Variants in KCTD8 observed in about 807,000 individuals in gnomAD.
The protein encoded by KCTD8 is BTB/POZ domain-containing protein KCTD8.
In KCTD8, 27 loss-of-function variants were observed where a neutral mutation model predicts 31.5. The ratio of observed to expected loss-of-function variants is 0.86; its 90% confidence interval spans 0.63 to 1.18. The LOEUF is 1.18. Among genes scored for constraint, KCTD8 ranks in the 50% most tolerant of loss-of-function variants. KCTD8 has a pLI of 0.00. For synonymous variants in KCTD8, 290 were observed against 280.0 expected (o/e 1.04, Z -0.36); for missense variants, 658 against 647.7 (o/e 1.02, Z -0.17).
chr4:44,408,304 AAT>A (rs527952749), intron 1 of KCTD8, among the ~76,000 whole-genome samples: 153 of 152,320 alleles, frequency 1.0e-3, no homozygotes, highest in African/African-American at 3.5e-3. Context: ...ATAATCATGA[AAT>A]AGTTGTTAAA....
chr4:44,246,644 A>G (rs1235467866), intron 1 of KCTD8, among the ~76,000 whole-genome samples: 3 of 152,052 alleles, frequency 2.0e-5, no homozygotes, highest in Non-Finnish European at 4.4e-5. Flanking sequence ...TTCCTTAAAG[A>G]GCCATCAATC....
chr4:44,350,360 C>T (rs1048663669), intron 1 of KCTD8, among the ~76,000 whole-genome samples: 1 of 152,098 alleles, frequency 6.6e-6, no homozygotes, highest in African/African-American at 2.4e-5. Flanking sequence ...AGAACTAAAA[C>T]TAAAAACAAA....
intron 1 of KCTD8, among the ~76,000 whole-genome samples, chr4:44,184,056 G>T (rs1273771491): frequency 2.0e-5 from 3 of 151,888 alleles, no homozygotes; most frequent in Non-Finnish European, 4.4e-5. Flanking sequence ...AGCTACAAGG[G>T]TGGGGACACA....
At chr4:44,206,222 C>T (rs530065749) in intron 1 of KCTD8, among the ~76,000 whole-genome samples, 94 of 152,050 alleles carry the variant, frequency 6.2e-4, no homozygotes, top group Admixed American at 1.4e-3. Flanking sequence ...GAATGAACTC[C>T]ATCAGTTTGG....
chr4:44,289,748 G>T (rs971182168), intron 1 of KCTD8, among the ~76,000 whole-genome samples: 3 of 152,142 alleles, frequency 2.0e-5, no homozygotes, highest in African/African-American at 4.8e-5. Flanking sequence ...GCTCCAGCCT[G>T]CATGGAGCCT....
intron 1 of KCTD8, among the ~76,000 whole-genome samples, chr4:44,276,868 G>C (rs1560413446): frequency 6.6e-6 from 1 of 151,798 alleles, no homozygotes; most frequent in Non-Finnish European, 1.5e-5. Context: ...AATTTTTTCA[G>C]ACAAAGAATG....
intron 1 of KCTD8, among the ~76,000 whole-genome samples, chr4:44,410,301 TTAAC>T (rs1206436826): frequency 6.6e-6 from 1 of 152,108 alleles, no homozygotes; most frequent in Non-Finnish European, 1.5e-5. Context: ...GTGACAAATA[TTAAC>T]TAACAGTGTA....
chr4:44,239,831 GA>G (rs1715398246), intron 1 of KCTD8, among the ~76,000 whole-genome samples: 1 of 152,128 alleles, frequency 6.6e-6, no homozygotes, highest in African/African-American at 2.4e-5. Context: ...CAGTTCTTTT[GA>G]TTAGCTTGTA....
chr4:44,394,931 T>C (rs1185079707), intron 1 of KCTD8, among the ~76,000 whole-genome samples: 1 of 152,158 alleles, frequency 6.6e-6, no homozygotes, highest in African/African-American at 2.4e-5. Context: ...TCTGTGATTA[T>C]CAAGGCTTTT....
At chr4:44,234,965 T>A (rs1577845021) in intron 1 of KCTD8, among the ~76,000 whole-genome samples, 1 of 152,070 alleles carries the variant, frequency 6.6e-6, no homozygotes, top group Non-Finnish European at 1.5e-5. Context: ...AACCACAGCA[T>A]AAAGAATGAA....
Position 44,375,622 on chromosome 4 carries a change from C to T in KCTD8, c.961+71941G>A, listed in dbSNP as rs186775100. ...AGCTCACCTGGATTACAGTTGTCTA[C>T]CGAAAACCTTTTATTGCCAAATCCA... On this transcript the variant is annotated intron_variant, in intron 1 of 1. Coordinates refer to ENST00000360029, the MANE Select transcript of KCTD8 (RefSeq NM_198353.3). 3.9e-4 allele frequency among the ~76,000 whole-genome samples: 59 copies of T among 152,148 alleles called. No individual in the cohort carries two copies. The East Asian group carries it at 8.6e-3, about 22-fold the overall frequency.
At chr4:44,273,626 T>G (rs1467368641) in intron 1 of KCTD8, among the ~76,000 whole-genome samples, 1 of 151,976 alleles carries the variant, frequency 6.6e-6, no homozygotes, top group Non-Finnish European at 1.5e-5. Flanking sequence ...CAGAATACTT[T>G]ATAAATGGTC....
rs187323673 is a variant in KCTD8 at position 44,217,544 on chromosome 4, C to T, written c.962-42294G>A. On this transcript the variant is annotated intron_variant, in intron 1 of 1. Coordinates refer to ENST00000360029, the MANE Select transcript of KCTD8 (RefSeq NM_198353.3). ...TAGATAGCTGGTGAAGTATTGTTTC[C>T]GGGTGTGTCTGTGAGGGTGCTGCCA... Among the ~76,000 whole-genome samples the T allele has an allele frequency of 6.6e-5, 10 of 152,172 alleles. No individual in the cohort carries two copies. In the East Asian group the frequency reaches 1.2e-3, roughly 18 times the overall value.
chr4:44,380,968 A>T (rs1159719792), intron 1 of KCTD8, among the ~76,000 whole-genome samples: 2 of 152,034 alleles, frequency 1.3e-5, no homozygotes, highest in African/African-American at 4.8e-5. Context: ...TCTACCATTT[A>T]TTATAATTAA....
At chr4:44,195,270 G>T (rs1243417996) in intron 1 of KCTD8, among the ~76,000 whole-genome samples, 1 of 151,746 alleles carries the variant, frequency 6.6e-6, no homozygotes, top group Non-Finnish European at 1.5e-5. Flanking sequence ...GATTAGTAAA[G>T]ACTCCTAATT....
intron 1 of KCTD8, among the ~76,000 whole-genome samples, chr4:44,404,860 C>T (rs946637588): frequency 6.6e-6 from 1 of 152,114 alleles, no homozygotes; most frequent in Non-Finnish European, 1.5e-5. Context: ...GAAATACTGA[C>T]AAGAATTTAG....
intron 1 of KCTD8, among the ~76,000 whole-genome samples, chr4:44,272,383 C>G (rs955488837): frequency 2.6e-5 from 4 of 151,776 alleles, no homozygotes; most frequent in African/African-American, 7.3e-5. Flanking sequence ...GGAATCCGCA[C>G]AGACTTGTCC....
Position 44,174,775 on chromosome 4 carries a change from G to A in KCTD8, c.*15C>T, listed in dbSNP as rs1560385728. On this transcript the variant is annotated 3_prime_UTR_variant, in exon 2 of 2. Coordinates refer to ENST00000360029, the MANE Select transcript of KCTD8 (RefSeq NM_198353.3). The stretch of plus-strand genomic sequence containing the variant: ...CATTGAATGTCATCAAAATACTGCA[G>A]GAATGTGACAATTACTATAACCCAT... 2 of 1,562,896 alleles carry A rather than the reference G, an allele frequency of 1.3e-6. No homozygotes were observed. Among genetic ancestry groups the A allele is most frequent in the African/African-American group, 1.4e-5 (1 of 73,578 alleles).
intron 1 of KCTD8, among the ~76,000 whole-genome samples, chr4:44,215,901 A>G (rs1437181688): frequency 2.0e-5 from 3 of 152,196 alleles, no homozygotes; most frequent in Non-Finnish European, 4.4e-5. Context: ...GTGATGTCAC[A>G]TGTAATAAGA....
Sources: gnomAD v4.1 joint callset for allele counts (sites outside exome capture counted in the v4.1 genomes callset) on GRCh38, gnomAD v4.1.1 for gene constraint, MANE v1.5 for transcripts, NCBI Gene and HGNC (gene_info 2026-07-23, HGNC 2026-07-21) for gene names.